The following GRID2 variants were observed in gnomAD, a reference collection of about 807,000 sequenced individuals.
The protein encoded by GRID2 is glutamate receptor ionotropic, delta-2.
In GRID2, 33 loss-of-function variants were observed where a neutral mutation model predicts 114.8. The observed-to-expected ratio is 0.29, with a 90% confidence interval of 0.22 to 0.38. The LOEUF is 0.38. Among genes scored for constraint, GRID2 ranks in the 10% least tolerant of loss-of-function variants. The probability of loss-of-function intolerance (pLI) is 1.00; values close to 1 mark genes in which losing one functional copy is unlikely to be tolerated. For synonymous variants in GRID2, 505 were observed against 449.9 expected (o/e 1.12, Z -1.55); for missense variants, 1,184 against 1,257.7 (o/e 0.94, Z 0.89).
chr4:92,455,325 T>C (rs1721154413), intron 1 of GRID2, among the ~76,000 whole-genome samples: 1 of 152,282 alleles, frequency 6.6e-6, no homozygotes, highest in East Asian at 1.9e-4. Context: ...TTGTGAAACT[T>C]ATATTCCAGG....
intron 1 of GRID2, among the ~76,000 whole-genome samples, chr4:92,326,025 ATG>A (rs1726578386): frequency 6.6e-6 from 1 of 152,014 alleles, no homozygotes; most frequent in East Asian, 1.9e-4. Flanking sequence ...CATGAAAAGT[ATG>A]CTTACATGAA....
chr4:93,603,020 G>C (rs1739855486), intron 13 of GRID2, among the ~76,000 whole-genome samples: 1 of 152,152 alleles, frequency 6.6e-6, no homozygotes, highest in African/African-American at 2.4e-5. Flanking sequence ...GACCAGCCTG[G>C]CCAACATGGT....
intron 10 of GRID2, among the ~76,000 whole-genome samples, chr4:93,446,212 T>TA: frequency 6.6e-6 from 1 of 151,998 alleles, no homozygotes; most frequent in South Asian, 2.1e-4. Context: ...CTCATTCACA[T>TA]GGTGATCCAG....
chr4:92,556,909 T>C (rs1191845957), intron 1 of GRID2, among the ~76,000 whole-genome samples: 2 of 152,180 alleles, frequency 1.3e-5, no homozygotes, highest in African/African-American at 4.8e-5. Context: ...GGTGGAATCA[T>C]GGGAAACCGT....
intron 10 of GRID2, among the ~76,000 whole-genome samples, chr4:93,423,243 C>T (rs948312053): frequency 3.3e-5 from 5 of 151,078 alleles, no homozygotes; most frequent in Non-Finnish European, 5.9e-5. Context: ...CTTTTCTTTG[C>T]TCAACTTATA....
intron 1 of GRID2, among the ~76,000 whole-genome samples, chr4:92,502,966 T>G (rs948703916): frequency 5.3e-5 from 8 of 152,010 alleles, no homozygotes; most frequent in African/African-American, 1.9e-4. Flanking sequence ...TCAGCCCACC[T>G]TAGCTTCCCA....
At chr4:92,407,528 A>C (rs1047358757) in intron 1 of GRID2, among the ~76,000 whole-genome samples, 2 of 152,106 alleles carry the variant, frequency 1.3e-5, no homozygotes, top group African/African-American at 4.8e-5. Flanking sequence ...ACAGTGGTTG[A>C]ATTAGTTTGC....
intron 2 of GRID2, among the ~76,000 whole-genome samples, chr4:92,674,562 G>A (rs945154926): frequency 6.6e-6 from 1 of 151,864 alleles, no homozygotes; most frequent in African/African-American, 2.4e-5. Context: ...TTGCTCTGTT[G>A]CCCAGGCTGG....
At chr4:92,716,031 T>C (rs1313465831) in intron 2 of GRID2, among the ~76,000 whole-genome samples, 1 of 152,234 alleles carries the variant, frequency 6.6e-6, no homozygotes, top group Non-Finnish European at 1.5e-5. Flanking sequence ...GACTCCTTTA[T>C]AAAAATCTTC....
chr4:93,327,438 A>G (rs533422181), intron 8 of GRID2, among the ~76,000 whole-genome samples: 40 of 148,862 alleles, frequency 2.7e-4, no homozygotes, highest in African/African-American at 8.9e-4. Context: ...GCTGTCTAGT[A>G]TCCAATCCAG....
In GRID2 at chr4:92,575,114, C is replaced by T. The variant is rs1374544179; in HGVS notation, c.89-15017C>T. The stretch of plus-strand genomic sequence containing the variant: ...CTCTTGACCTATTCTGCTATTAATG[C>T]TTGTAATTGCAATGGGAAATTCTTG... On this transcript the variant is annotated intron_variant, in intron 1 of 15. Transcript: ENST00000282020. Among the ~76,000 whole-genome samples, 3 of 152,102 alleles carry T rather than the reference C, an allele frequency of 2.0e-5. No individual in the cohort carries two copies. The East Asian group carries it at 5.8e-4, about 29-fold the overall frequency.
rs116732228 is a variant in GRID2, at chr4:92,481,109, C to T, written c.89-109022C>T. Among the ~76,000 whole-genome samples, 449 of 152,106 alleles carry T rather than the reference C, an allele frequency of 3.0e-3. 3 individuals are homozygous for T. Among genetic ancestry groups the T allele is most frequent in the African/African-American group, 9.9e-3 (411 of 41,512 alleles). ...CAGGATAGGCTGAATGTGTATATGACGTAAACATGGTAAGCCAGAATTAAT... is the reference window on the plus strand; with the variant it reads ...CAGGATAGGCTGAATGTGTATATGATGTAAACATGGTAAGCCAGAATTAAT... On this transcript the variant is annotated intron_variant, in intron 1 of 15. Coordinates refer to ENST00000282020, the MANE Select transcript of GRID2 (RefSeq NM_001510.4).
At chr4:93,543,991 C>G (rs17335110) in intron 13 of GRID2, among the ~76,000 whole-genome samples, 25,896 of 152,112 alleles carry the variant, frequency 0.17, 2,775 homozygotes, top group Middle Eastern at 0.27. Flanking sequence ...TCTATTGACT[C>G]CTGAATATTT....
intron 14 of GRID2, among the ~76,000 whole-genome samples, chr4:93,725,183 T>C (rs1230653758): frequency 2.0e-5 from 3 of 152,142 alleles, no homozygotes; most frequent in Non-Finnish European, 2.9e-5. Context: ...CCTTCCTGTG[T>C]CCATGTGTTC....
At chr4:92,855,594 C>A (rs974028872) in intron 2 of GRID2, among the ~76,000 whole-genome samples, 11 of 151,776 alleles carry the variant, frequency 7.2e-5, no homozygotes, top group Non-Finnish European at 1.0e-4. Flanking sequence ...TCCAATATTG[C>A]AAATATACAT....
intron 13 of GRID2, among the ~76,000 whole-genome samples, chr4:93,517,938 TATATA>T: frequency 2.5e-5 from 1 of 39,480 alleles, no homozygotes. Flanking sequence ...TATATGTATG[TATATA>T]CATACATGTA....
intron 1 of GRID2, among the ~76,000 whole-genome samples, chr4:92,457,758 C>T (rs141852986): frequency 1.4e-3 from 217 of 151,890 alleles, no homozygotes; most frequent in Non-Finnish European, 2.7e-3. Flanking sequence ...AGAAAAGGCA[C>T]GAAAGCATCA....
At chr4:93,045,100 T>C (rs1726001370) in intron 2 of GRID2, among the ~76,000 whole-genome samples, 3 of 152,146 alleles carry the variant, frequency 2.0e-5, no homozygotes. Flanking sequence ...ATGCTGCTGC[T>C]CATAAGGCAC....
intron 14 of GRID2, among the ~76,000 whole-genome samples, chr4:93,691,584 T>G (rs1413186300): frequency 6.6e-6 from 1 of 152,116 alleles, no homozygotes; most frequent in Non-Finnish European, 1.5e-5. Context: ...TATTTTTCAT[T>G]TATAGAATAG....
Sources: gnomAD v4.1 joint callset for allele counts (sites outside exome capture counted in the v4.1 genomes callset) on GRCh38, gnomAD v4.1.1 for gene constraint, MANE v1.5 for transcripts, NCBI Gene and HGNC (gene_info 2026-07-23, HGNC 2026-07-21) for gene names.